SMYD3: variants seen among roughly 807,000 people sequenced by gnomAD.
SMYD3 encodes the protein SET and MYND domain containing 3.
SMYD3 carries 36 observed loss-of-function variants against 57.7 expected under a neutral mutation model. The ratio of observed to expected loss-of-function variants is 0.62; its 90% CI spans 0.48 to 0.82. The LOEUF (loss-of-function observed/expected upper bound fraction) is 0.82. SMYD3 is among the 40% of genes least tolerant of loss of function. The pLI is 0.00. For missense variants in SMYD3, 515 were observed against 538.8 expected (o/e 0.96, Z 0.44); for synonymous variants, 211 against 195.0 (o/e 1.08, Z -0.68).
At chr1:246,267,799 A>C (rs764613805) in intron 5 of SMYD3, among the ~76,000 whole-genome samples, 15 of 152,222 alleles carry the variant, frequency 9.9e-5, no homozygotes, top group Non-Finnish European at 2.1e-4. Context: ...AATTGAAAGT[A>C]GGCTTTTATC....
intron 10 of SMYD3, among the ~76,000 whole-genome samples, chr1:245,830,980 G>A (rs536892031): frequency 5.4e-4 from 82 of 152,202 alleles, no homozygotes; most frequent in South Asian, 3.3e-3. Flanking sequence ...CAGATCACAA[G>A]TGTTGGCCTG....
intron 5 of SMYD3, among the ~76,000 whole-genome samples, chr1:246,028,363 C>T (rs1446726478): frequency 6.6e-6 from 1 of 152,140 alleles, no homozygotes; most frequent in East Asian, 1.9e-4. Flanking sequence ...CACCAAAAAA[C>T]TCTTTGAACT....
intron 5 of SMYD3, among the ~76,000 whole-genome samples, chr1:246,317,225 C>T (rs76791897): frequency 0.039 from 5,960 of 152,270 alleles, 195 homozygotes; most frequent in African/African-American, 0.079. Flanking sequence ...AAAACAATTA[C>T]TGTGTGTGTA....
At chr1:246,069,664 C>A (rs541221938) in intron 5 of SMYD3, among the ~76,000 whole-genome samples, 1 of 152,202 alleles carries the variant, frequency 6.6e-6, no homozygotes, top group Non-Finnish European at 1.5e-5. Flanking sequence ...GACATCACCT[C>A]GAGCTTTTCA....
intron 5 of SMYD3, among the ~76,000 whole-genome samples, chr1:246,273,161 T>TTTTTTTTTG (rs2064258201): frequency 1.3e-4 from 17 of 131,126 alleles, no homozygotes; most frequent in Non-Finnish European, 2.3e-4. Context: ...TTCTTTTTTT[T>TTTTTTTTTG]GGGGGGGGGA....
chr1:246,240,856 T>C (rs112658601), intron 5 of SMYD3, among the ~76,000 whole-genome samples: 2 of 151,372 alleles, frequency 1.3e-5, no homozygotes, highest in African/African-American at 2.4e-5. Context: ...TGAAGCAATT[T>C]TGAATGGGAG....
chr1:245,838,315 T>C (rs2050201417), intron 10 of SMYD3, among the ~76,000 whole-genome samples: 1 of 152,222 alleles, frequency 6.6e-6, no homozygotes, highest in Admixed American at 6.5e-5. Context: ...GCTCTGGGTG[T>C]AACCCAGGTC....
chr1:246,261,640 T>C (rs935189446), intron 5 of SMYD3, among the ~76,000 whole-genome samples: 9 of 151,760 alleles, frequency 5.9e-5, no homozygotes, highest in Non-Finnish European at 1.0e-4. Context: ...AAACATGAAC[T>C]GACCTTAACA....
At chr1:246,481,633 T>C (rs10047065) in intron 1 of SMYD3, among the ~76,000 whole-genome samples, 32,635 of 107,586 alleles carry the variant, frequency 0.3, 6,665 homozygotes, top group African/African-American at 0.48. Context: ...CATACATACA[T>C]ACACATATTC....
At chr1:245,813,646 C>G (rs1191783583) in intron 10 of SMYD3, among the ~76,000 whole-genome samples, 1 of 152,216 alleles carries the variant, frequency 6.6e-6, no homozygotes. Flanking sequence ...AGGTGGGCAA[C>G]AGCGCTGCAT....
At chr1:246,402,274 C>T (rs2066782616) in intron 1 of SMYD3, among the ~76,000 whole-genome samples, 1 of 147,438 alleles carries the variant, frequency 6.8e-6, no homozygotes, top group African/African-American at 2.5e-5. Context: ...ATTAAACTTG[C>T]CAACTATTTT....
chr1:246,256,025 G>GAT (rs945179279), intron 5 of SMYD3, among the ~76,000 whole-genome samples: 2 of 151,792 alleles, frequency 1.3e-5, no homozygotes, highest in Non-Finnish European at 1.5e-5. Context: ...TACATAGATA[G>GAT]ATACATAGAT....
intron 5 of SMYD3, among the ~76,000 whole-genome samples, chr1:246,182,290 C>A (rs2062565723): frequency 6.6e-6 from 1 of 152,144 alleles, no homozygotes; most frequent in Non-Finnish European, 1.5e-5. Context: ...CCCCTTTCTC[C>A]TATTACCTCA....
At chr1:246,434,465 G>A (rs1558463077) in intron 1 of SMYD3, among the ~76,000 whole-genome samples, 2 of 152,014 alleles carry the variant, frequency 1.3e-5, no homozygotes, top group Non-Finnish European at 2.9e-5. Context: ...AAAAACAAAT[G>A]ACCCCAATAC....
At chr1:246,235,444 C>T (rs1332988330) in intron 5 of SMYD3, among the ~76,000 whole-genome samples, 1 of 152,216 alleles carries the variant, frequency 6.6e-6, no homozygotes, top group Non-Finnish European at 1.5e-5. Flanking sequence ...TCTCAAATTA[C>T]TTATAATCTG....
intron 1 of SMYD3, among the ~76,000 whole-genome samples, chr1:246,444,785 T>C (rs1015444853): frequency 6.6e-6 from 1 of 152,196 alleles, no homozygotes; most frequent in East Asian, 1.9e-4. Flanking sequence ...TAACTCAACA[T>C]TGGAAGCCAG....
intron 5 of SMYD3, among the ~76,000 whole-genome samples, chr1:246,300,304 A>G (rs1464555996): frequency 6.6e-6 from 1 of 152,190 alleles, no homozygotes; most frequent in African/African-American, 2.4e-5. Context: ...AGCACAGTTG[A>G]AAATGCACAT....
chr1:245,999,367 T>C (rs2058993676), intron 5 of SMYD3, among the ~76,000 whole-genome samples: 1 of 152,226 alleles, frequency 6.6e-6, no homozygotes, highest in Non-Finnish European at 1.5e-5. Context: ...GTGCTATCCA[T>C]ATAACAACTT....
intron 10 of SMYD3, among the ~76,000 whole-genome samples, chr1:245,837,093 T>A (rs1192851526): frequency 6.6e-6 from 1 of 152,052 alleles, no homozygotes; most frequent in Non-Finnish European, 1.5e-5. Flanking sequence ...TTTGGGAGGC[T>A]GAGTGGACAG....
Sources: gnomAD v4.1 joint callset for allele counts (sites outside exome capture counted in the v4.1 genomes callset) on GRCh38, gnomAD v4.1.1 for gene constraint, MANE v1.5 for transcripts, NCBI Gene and HGNC (gene_info 2026-07-23, HGNC 2026-07-21) for gene names.